AXDND1: variants seen among roughly 807,000 people sequenced by gnomAD.
The protein encoded by AXDND1 is axonemal dynein light chain domain-containing protein 1.
A neutral mutation model predicts 137.5 loss-of-function variants in AXDND1; 110 were observed. The observed-to-expected ratio is 0.80, with a 90% CI of 0.69 to 0.94. The LOEUF (loss-of-function observed/expected upper bound fraction) is 0.94. AXDND1 is among the 40% of genes least tolerant of loss of function. The probability of loss-of-function intolerance (pLI) is 0.00; values close to 1 mark genes in which losing one functional copy is unlikely to be tolerated. For missense variants in AXDND1, 1,191 were observed against 1,169.8 expected, an observed-to-expected ratio of 1.02 and a Z score of -0.26; for synonymous variants, 414 against 399.7, an observed-to-expected ratio of 1.04 and a Z score of -0.43.
chr1:179,379,483 G>A lies in AXDND1; in HGVS notation c.581+1G>A, dbSNP rs1259307190. The A allele has an allele frequency of 5.0e-6, 8 of 1,612,254 alleles. No individual in the cohort carries two copies. The highest frequency in any genetic ancestry group is 6.8e-6 in the Non-Finnish European group (8 of 1,179,378). ...TTTCAGGTTTGGAGTGTTATGATGAGTGAGTACTATGATATGTAAAAAATA... is the reference window on the plus strand; with the variant it reads ...TTTCAGGTTTGGAGTGTTATGATGAATGAGTACTATGATATGTAAAAAATA... On this transcript the variant is annotated splice_donor_variant, in intron 6 of 25. Coordinates refer to ENST00000367618, the MANE Select transcript of AXDND1 (RefSeq NM_144696.6). LOFTEE classifies it high-confidence loss of function.
chr1:179,525,564 A>C lies in AXDND1; in HGVS notation c.2610+117A>C, dbSNP rs116494025. ...CAGGTTGGAGTGCTGTGGTATCATCATAGCTCACTGTAACCTCGAACTCTG... is the reference window on the plus strand; with the variant it reads ...CAGGTTGGAGTGCTGTGGTATCATCCTAGCTCACTGTAACCTCGAACTCTG... On this transcript the variant is annotated intron_variant, in intron 22 of 25. Transcript: ENST00000367618. 1,045 of 1,241,076 alleles carry C rather than the reference A, an allele frequency of 8.4e-4. 11 individuals are homozygous for C. In the African/African-American group the frequency reaches 0.015, roughly 18 times the overall value. The allele number at this position is 1,241,076 out of a possible 1,614,324, so 76.9% of individuals were successfully genotyped here.
chr1:179,504,923 C>G (rs1012178769), intron 20 of AXDND1, among the ~76,000 whole-genome samples: 2 of 152,236 alleles, frequency 1.3e-5, no homozygotes, highest in African/African-American at 4.8e-5. Flanking sequence ...TGCCTTTTCC[C>G]TAAGCCTGAG....
In AXDND1 at chr1:179,429,532, TAG is replaced by T. The variant is rs1272364585; in HGVS notation, c.1248_1249del (p.Arg416SerfsTer5). On this transcript the variant is annotated frameshift_variant, in exon 13 of 26. Coordinates refer to ENST00000367618, the MANE Select transcript of AXDND1 (RefSeq NM_144696.6). LOFTEE classifies it high-confidence loss of function. ...ELALKVIERN[R>X]VILARRLYLN... ...TATTTTTATAGGTGATTGAAAGAAA[TAG>T]AGTCATATTGGCTAGAAGACTTTAC... The T allele has an allele frequency of 6.5e-7, 1 of 1,534,800 alleles. No homozygotes were observed. The highest frequency in any genetic ancestry group is 1.4e-5 in the African/African-American group (1 of 70,732).
chr1:179,424,095 A>G (rs1273908437), intron 12 of AXDND1, among the ~76,000 whole-genome samples: 1 of 152,080 alleles, frequency 6.6e-6, no homozygotes, highest in Non-Finnish European at 1.5e-5. Context: ...ATATTTAAAG[A>G]ACAACTTTGC....
chr1:179,475,314 G>C (rs1283194131), intron 17 of AXDND1, among the ~76,000 whole-genome samples: 1 of 152,218 alleles, frequency 6.6e-6, no homozygotes, highest in East Asian at 1.9e-4. Flanking sequence ...ACCTTGCACT[G>C]TGCACTTGGA....
intron 21 of AXDND1, among the ~76,000 whole-genome samples, chr1:179,516,536 G>A (rs1360789855): frequency 3.3e-5 from 5 of 152,158 alleles, no homozygotes; most frequent in Non-Finnish European, 7.4e-5. Context: ...GCCTTGTTTT[G>A]TCATAGTACC....
intron 9 of AXDND1, among the ~76,000 whole-genome samples, chr1:179,389,486 T>C (rs1649779391): frequency 6.6e-6 from 1 of 152,172 alleles, no homozygotes; most frequent in Admixed American, 6.5e-5. Flanking sequence ...GATTTGTATG[T>C]GCTCCCTTCT....
chr1:179,367,957 C>G (rs1477198711), intron 2 of AXDND1, among the ~76,000 whole-genome samples: 1 of 151,202 alleles, frequency 6.6e-6, no homozygotes, highest in East Asian at 1.9e-4. Flanking sequence ...ACTAAAACCC[C>G]AAGCCCCACC....
intron 11 of AXDND1, among the ~76,000 whole-genome samples, chr1:179,396,368 G>A (rs1053592148): frequency 6.6e-6 from 1 of 151,792 alleles, no homozygotes; most frequent in Non-Finnish European, 1.5e-5. Flanking sequence ...AAAAATTTGC[G>A]GCTGGGCACA....
chr1:179,513,537 T>C (rs755041281), intron 21 of AXDND1, among the ~76,000 whole-genome samples: 1 of 152,142 alleles, frequency 6.6e-6, no homozygotes, highest in South Asian at 2.1e-4. Flanking sequence ...TTTTTAGATA[T>C]GTCCTTTCCT....
chr1:179,384,489 A>AT (rs1330728568), intron 8 of AXDND1, among the ~76,000 whole-genome samples: 1 of 152,070 alleles, frequency 6.6e-6, no homozygotes, highest in Non-Finnish European at 1.5e-5. Flanking sequence ...AAAAATAGCT[A>AT]TTTTTTCTTC....
chr1:179,512,914 A>G (rs536927767), intron 21 of AXDND1, among the ~76,000 whole-genome samples: 1 of 152,292 alleles, frequency 6.6e-6, no homozygotes, highest in East Asian at 1.9e-4. Context: ...TTAGTCTTGT[A>G]TCCGGAAACT....
Position 179,452,100 on chromosome 1 carries a change from T to C in AXDND1, c.1798+6896T>C, listed in dbSNP as rs140546297. On this transcript the variant is annotated intron_variant, in intron 16 of 25. Coordinates refer to ENST00000367618, the MANE Select transcript of AXDND1 (RefSeq NM_144696.6). ...GCTTTGAACAAGATGCTAATAATGA[T>C]ATGGACAATGAAATCCAGGCTAAGG... The C allele has an allele frequency of 7.8e-3, 1,191 of 153,296 alleles. 35 individuals carry two copies. Among genetic ancestry groups the C allele is most frequent in the Admixed American group, 0.055 (843 of 15,288 alleles). The allele number at this position is 153,296 out of a possible 1,614,324, so 9.5% of individuals were successfully genotyped here.
chr1:179,420,006 C>T (rs1393440310), intron 12 of AXDND1, among the ~76,000 whole-genome samples: 1 of 152,094 alleles, frequency 6.6e-6, no homozygotes, highest in East Asian at 1.9e-4. Context: ...AATGGGCATC[C>T]TTGTCTTGTT....
chr1:179,370,600 A>G (rs993200050), intron 4 of AXDND1, among the ~76,000 whole-genome samples: 2 of 152,224 alleles, frequency 1.3e-5, no homozygotes, highest in Non-Finnish European at 2.9e-5. Flanking sequence ...TCTCATTCCT[A>G]CAAACATTCT....
chr1:179,418,678 C>T (rs1238476035), intron 12 of AXDND1, among the ~76,000 whole-genome samples: 1 of 150,816 alleles, frequency 6.6e-6, no homozygotes, highest in African/African-American at 2.4e-5. Context: ...CCGACACCAC[C>T]ACCTCCCTCC....
intron 16 of AXDND1, chr1:179,455,577 G>C: frequency 7.9e-6 from 1 of 126,884 alleles, no homozygotes; most frequent in Non-Finnish European, 1.6e-5. Context: ...CTGGGCGACA[G>C]AGTGAGACTC....
At chr1:179,447,841 C>G in intron 16 of AXDND1, 3 of 1,309,030 alleles carry the variant, frequency 2.3e-6, no homozygotes, top group African/African-American at 1.4e-5. Flanking sequence ...GCCCAACATC[C>G]CACCTGCATT....
intron 20 of AXDND1, among the ~76,000 whole-genome samples, chr1:179,502,342 A>T (rs1668074932): frequency 6.6e-6 from 1 of 152,100 alleles, no homozygotes; most frequent in Admixed American, 6.5e-5. Context: ...AGGTGGGCGG[A>T]TCACCTGTGG....
Sources: gnomAD v4.1 joint callset for allele counts (sites outside exome capture counted in the v4.1 genomes callset) on GRCh38, gnomAD v4.1.1 for gene constraint, MANE v1.5 for transcripts, NCBI Gene and HGNC (gene_info 2026-07-23, HGNC 2026-07-21) for gene names.